Variants in EPHA3 observed in about 807,000 individuals in gnomAD.
EPHA3 encodes ephrin type-A receptor 3.
A neutral mutation model predicts 107.1 loss-of-function variants in EPHA3; 42 were observed. The observed-to-expected ratio is 0.39, with a 90% CI of 0.31 to 0.51. EPHA3 has a LOEUF of 0.51. EPHA3 is among the 20% of genes least tolerant of loss of function. The probability of loss-of-function intolerance (pLI) is 0.78; values close to 1 mark genes in which losing one functional copy is unlikely to be tolerated. For synonymous variants in EPHA3, 461 were observed against 424.8 expected (o/e 1.09, Z -1.05); for missense variants, 1,183 against 1,211.2 (o/e 0.98, Z 0.35).
At chr3:89,411,572 C>T (rs1709154612) in intron 9 of EPHA3, among the ~76,000 whole-genome samples, 1 of 151,910 alleles carries the variant, frequency 6.6e-6, no homozygotes, top group South Asian at 2.1e-4. Flanking sequence ...TCTTTTACAA[C>T]AGTTTATTCT....
At chr3:89,340,725 C>T (rs1707499071) in intron 3 of EPHA3, among the ~76,000 whole-genome samples, 191 bp from the exon 4 acceptor site, 2 of 152,164 alleles carry the variant, frequency 1.3e-5, no homozygotes, top group South Asian at 2.1e-4. Context: ...TTCTTCTTAA[C>T]ATTTGGTGCA....
intron 2 of EPHA3, among the ~76,000 whole-genome samples, chr3:89,156,449 T>C (rs1234840556): frequency 6.6e-6 from 1 of 152,080 alleles, no homozygotes; most frequent in Non-Finnish European, 1.5e-5. Flanking sequence ...TTAAGCTATT[T>C]GTTTAACATG....
At chr3:89,257,234 T>C (rs1215444896) in intron 3 of EPHA3, among the ~76,000 whole-genome samples, 2 of 152,200 alleles carry the variant, frequency 1.3e-5, no homozygotes, top group Non-Finnish European at 2.9e-5. Context: ...CATCTCTTTC[T>C]CTTAAACTCC....
chr3:89,120,936 G>A (rs75114075), intron 1 of EPHA3, among the ~76,000 whole-genome samples: 1,876 of 152,270 alleles, frequency 0.012, 44 homozygotes, highest in African/African-American at 0.042. Context: ...TAACATGGCA[G>A]CATTTAAAAA....
intron 2 of EPHA3, among the ~76,000 whole-genome samples, chr3:89,191,109 A>T (rs1705703795): frequency 6.6e-6 from 1 of 152,116 alleles, no homozygotes; most frequent in Admixed American, 6.5e-5. Context: ...GTAAACATTG[A>T]CTGGGTGACG....
At position 89,374,015 on chromosome 3, in the gene EPHA3, G is replaced by C. The variant is rs1214154110; in HGVS notation, c.1307-21822G>C. Among the ~76,000 whole-genome samples, 3 of 151,712 alleles carry C rather than the reference G, an allele frequency of 2.0e-5. No homozygotes were observed. In the East Asian group the frequency reaches 5.8e-4, roughly 29 times the overall value. ...TCAGCTTTTATTAAGACAACAAAAGGATTTGTTAAAAATGAGTTTCCGAAC... is the reference window on the plus strand; with the variant it reads ...TCAGCTTTTATTAAGACAACAAAAGCATTTGTTAAAAATGAGTTTCCGAAC... On this transcript the variant is annotated intron_variant, in intron 5 of 16. Transcript: ENST00000336596.
At chr3:89,181,165 A>G (rs958832543) in intron 2 of EPHA3, among the ~76,000 whole-genome samples, 1 of 151,978 alleles carries the variant, frequency 6.6e-6, no homozygotes, top group African/African-American at 2.4e-5. Context: ...TTTCTTTTAT[A>G]TTGAAGTTTA....
intron 5 of EPHA3, among the ~76,000 whole-genome samples, chr3:89,358,322 A>G (rs1457285604): frequency 6.6e-6 from 1 of 151,050 alleles, no homozygotes; most frequent in African/African-American, 2.4e-5. Flanking sequence ...TTTCATAAAC[A>G]TTTGGAACAT....
chr3:89,132,480 TAATAGA>T (rs1704227501), intron 2 of EPHA3, among the ~76,000 whole-genome samples: 1 of 152,216 alleles, frequency 6.6e-6, no homozygotes, highest in African/African-American at 2.4e-5. Context: ...ATGTCAAAAA[TAATAGA>T]GTAGTAAAAC....
intron 3 of EPHA3, among the ~76,000 whole-genome samples, chr3:89,219,247 T>A (rs935799663): frequency 7.2e-5 from 11 of 151,864 alleles, no homozygotes; most frequent in African/African-American, 2.2e-4. Context: ...CACCGCAACC[T>A]CCACCTCCCA....
chr3:89,404,952 G>A (rs1332509704), intron 7 of EPHA3, among the ~76,000 whole-genome samples: 2 of 152,040 alleles, frequency 1.3e-5, no homozygotes, highest in African/African-American at 4.8e-5. Context: ...TTGAAATATT[G>A]GATTAAGCTA....
chr3:89,265,048 T>G (rs1358744591), intron 3 of EPHA3, among the ~76,000 whole-genome samples: 1 of 152,184 alleles, frequency 6.6e-6, no homozygotes, highest in Non-Finnish European at 1.5e-5. Flanking sequence ...TTTAAAAATT[T>G]TAACATATCC....
At chr3:89,114,677 G>C (rs555921074) in intron 1 of EPHA3, among the ~76,000 whole-genome samples, 55 of 152,312 alleles carry the variant, frequency 3.6e-4, no homozygotes, top group African/African-American at 1.3e-3. Context: ...CCGGGCGGAC[G>C]GTGTAGACTC....
chr3:89,149,805 C>A (rs1704650928), intron 2 of EPHA3, among the ~76,000 whole-genome samples: 1 of 151,658 alleles, frequency 6.6e-6, no homozygotes, highest in Non-Finnish European at 1.5e-5. Flanking sequence ...TCTTTAAAAG[C>A]AAAAAGAATT....
intron 5 of EPHA3, among the ~76,000 whole-genome samples, chr3:89,351,016 T>C (rs1229836626): frequency 4.0e-5 from 6 of 151,496 alleles, no homozygotes; most frequent in Non-Finnish European, 8.9e-5. Flanking sequence ...ACTGCTCTCT[T>C]CAAAGCTGTC....
At chr3:89,309,326 A>G (rs528738498) in intron 3 of EPHA3, among the ~76,000 whole-genome samples, 1 of 152,198 alleles carries the variant, frequency 6.6e-6, no homozygotes, top group African/African-American at 2.4e-5. Flanking sequence ...AGGAGAGAAT[A>G]TTGTTTTGTT....
At position 89,190,873 on chromosome 3, in the gene EPHA3, A is replaced by G. The variant is rs139554166; in HGVS notation, c.154-18987A>G. Among the ~76,000 whole-genome samples the G allele has an allele frequency of 7.0e-4, 107 of 152,266 alleles. 1 individual carries two copies. In the East Asian group the frequency reaches 0.019, roughly 27 times the overall value. ...CCTCTTCTTATAAGGCCTCCGTAGT[A>G]TCGAATTAGAGCTCACAATAATAAC... On this transcript the variant is annotated intron_variant, in intron 2 of 16. Coordinates refer to ENST00000336596, the MANE Select transcript of EPHA3 (RefSeq NM_005233.6).
At chr3:89,369,223 G>A (rs1340046370) in intron 5 of EPHA3, among the ~76,000 whole-genome samples, 7 of 150,970 alleles carry the variant, frequency 4.6e-5, no homozygotes, top group African/African-American at 1.7e-4. Flanking sequence ...CAAAGCTGGA[G>A]CCATCAGGCT....
At chr3:89,422,714 T>C (rs928129575) in intron 11 of EPHA3, among the ~76,000 whole-genome samples, 2 of 151,456 alleles carry the variant, frequency 1.3e-5, no homozygotes, top group African/African-American at 4.8e-5. Flanking sequence ...AAAATAATTC[T>C]TTTTTTGCTC....
Sources: allele counts gnomAD v4.1 joint callset (sites outside exome capture counted in the v4.1 genomes callset), GRCh38; gene constraint gnomAD v4.1.1; transcripts MANE v1.5; gene names NCBI Gene and HGNC (gene_info 2026-07-23, HGNC 2026-07-21).